Variants in SEMA3C observed in about 807,000 individuals in gnomAD.
SEMA3C encodes the protein semaphorin-3C.
A neutral mutation model predicts 89.4 loss-of-function variants in SEMA3C; 47 were observed. The observed-to-expected ratio is 0.53, with a 90% CI of 0.42 to 0.67. The LOEUF is 0.67. SEMA3C is among the 30% of genes least tolerant of loss of function. The probability of loss-of-function intolerance (pLI) is 0.00; values close to 1 mark genes in which losing one functional copy is unlikely to be tolerated. For missense variants in SEMA3C, 839 were observed against 929.1 expected (o/e 0.90, Z 1.26); for synonymous variants, 310 against 320.2 (o/e 0.97, Z 0.34).
At chr7:80,902,403 A>G (rs924390115) in intron 2 of SEMA3C, among the ~76,000 whole-genome samples, 1 of 152,220 alleles carries the variant, frequency 6.6e-6, no homozygotes, top group Non-Finnish European at 1.5e-5. Flanking sequence ...TCAGTTACAC[A>G]GTTTTTTCCC....
intron 14 of SEMA3C, among the ~76,000 whole-genome samples, chr7:80,759,415 G>C (rs922803660): frequency 2.0e-5 from 3 of 152,096 alleles, no homozygotes; most frequent in African/African-American, 7.2e-5. Context: ...GCCAGGCTCT[G>C]AAACTCTGGA....
At chr7:80,746,593 G>A (rs1257487722) in intron 17 of SEMA3C, among the ~76,000 whole-genome samples, 11 of 151,602 alleles carry the variant, frequency 7.3e-5, no homozygotes, top group Admixed American at 5.3e-4. Flanking sequence ...TTGATAAGAG[G>A]AAAACAAGAA....
intron 4 of SEMA3C, among the ~76,000 whole-genome samples, chr7:80,822,506 G>A (rs535051883): frequency 6.6e-6 from 1 of 152,120 alleles, no homozygotes; most frequent in Non-Finnish European, 1.5e-5. Flanking sequence ...GGATAACTGT[G>A]TGATGAAATC....
At chr7:80,905,268 G>A (rs1791981657) in intron 2 of SEMA3C, among the ~76,000 whole-genome samples, 1 of 17,788 alleles carries the variant, frequency 5.6e-5, no homozygotes, top group African/African-American at 2.0e-4. Context: ...GAGAGAGGGA[G>A]AGAGAGGGGG....
intron 2 of SEMA3C, among the ~76,000 whole-genome samples, chr7:80,910,320 A>G (rs1005526354): frequency 2.0e-5 from 3 of 152,208 alleles, no homozygotes; most frequent in African/African-American, 4.8e-5. Context: ...GCTCATTCTC[A>G]TTGGATAAGG....
At chr7:80,884,457 T>TA (rs1791425318) in intron 2 of SEMA3C, among the ~76,000 whole-genome samples, 1 of 152,222 alleles carries the variant, frequency 6.6e-6, no homozygotes, top group East Asian at 1.9e-4. Context: ...CCGATTTTTT[T>TA]AAAAGACTCC....
At chr7:80,796,144 A>G (rs948390423) in intron 11 of SEMA3C, among the ~76,000 whole-genome samples, 1 of 152,184 alleles carries the variant, frequency 6.6e-6, no homozygotes, top group African/African-American at 2.4e-5. Context: ...TCACTGATGA[A>G]AGCACACGTA....
chr7:80,889,230 T>C (rs1476799503), intron 2 of SEMA3C, among the ~76,000 whole-genome samples: 5 of 152,194 alleles, frequency 3.3e-5, no homozygotes, highest in Non-Finnish European at 7.3e-5. Flanking sequence ...AATAACCTTA[T>C]TTGAGAAAGG....
Position 80,745,211 on chromosome 7 carries a change from C to T in SEMA3C, c.1939G>A (p.Glu647Lys). ...GCTATGGTCTGCTTGAAACTATTTT[C>T]TGTAGCAATGCAGTGATAAAGTCCT... ...DQGLYHCIAT[E>K]NSFKQTIAKI... The change falls in exon 18 of 18, where the codon GAA (glutamate) becomes AAA (lysine). Residue 647 changes from glutamate (E) to lysine (K), a missense_variant. Coordinates refer to ENST00000265361, the MANE Select transcript of SEMA3C (RefSeq NM_006379.5). The T allele has an allele frequency of 6.2e-7, 1 of 1,614,016 alleles. No homozygotes were observed. The highest frequency in any genetic ancestry group is 1.3e-5 in the African/African-American group (1 of 75,034).
At chr7:80,754,840 C>T (rs770627215) in intron 15 of SEMA3C, among the ~76,000 whole-genome samples, 11 of 151,928 alleles carry the variant, frequency 7.2e-5, no homozygotes, top group South Asian at 2.1e-4. Flanking sequence ...TGCAATGGCG[C>T]GATCTCAGCT....
chr7:80,781,108 T>A (rs777920196), intron 12 of SEMA3C, among the ~76,000 whole-genome samples: 96 of 152,218 alleles, frequency 6.3e-4, no homozygotes, highest in Non-Finnish European at 1.1e-3. Context: ...CTCTGACACT[T>A]CTTCCACTAT....
At chr7:80,748,065 A>C (rs1787839779) in intron 17 of SEMA3C, among the ~76,000 whole-genome samples, 1 of 152,132 alleles carries the variant, frequency 6.6e-6, no homozygotes. Context: ...CCCACAACAG[A>C]AGAATACACA....
At chr7:80,809,842 A>C (rs911890652) in intron 6 of SEMA3C, among the ~76,000 whole-genome samples, 1 of 152,158 alleles carries the variant, frequency 6.6e-6, no homozygotes, top group Non-Finnish European at 1.5e-5. Flanking sequence ...ACACTAAGGG[A>C]AATAAGCCAG....
chr7:80,857,762 A>C (rs927452723), intron 2 of SEMA3C, among the ~76,000 whole-genome samples: 1 of 152,180 alleles, frequency 6.6e-6, no homozygotes, highest in African/African-American at 2.4e-5. Context: ...ACAAGTTAGA[A>C]TTGGTATGAA....
chr7:80,754,125 C>A (rs1270014479), intron 15 of SEMA3C, among the ~76,000 whole-genome samples: 1 of 152,074 alleles, frequency 6.6e-6, no homozygotes, highest in Non-Finnish European at 1.5e-5. Context: ...TTAGTAGAGA[C>A]GGGGTTTCAC....
At chr7:80,769,283 A>C (rs1788373660) in intron 12 of SEMA3C, among the ~76,000 whole-genome samples, 1 of 152,190 alleles carries the variant, frequency 6.6e-6, no homozygotes, top group Non-Finnish European at 1.5e-5. Flanking sequence ...TGCCCTATGA[A>C]AAGAGACTGA....
intron 2 of SEMA3C, among the ~76,000 whole-genome samples, chr7:80,895,138 T>C (rs1791703818): frequency 6.6e-6 from 1 of 152,160 alleles, no homozygotes; most frequent in Admixed American, 6.6e-5. Flanking sequence ...TAAATCCACC[T>C]TCTCTTTGAA....
At chr7:80,909,717 T>A (rs1184243275) in intron 2 of SEMA3C, among the ~76,000 whole-genome samples, 1 of 152,040 alleles carries the variant, frequency 6.6e-6, no homozygotes, top group Non-Finnish European at 1.5e-5. Context: ...ACATAGCACA[T>A]CAAACGAGCT....
chr7:80,874,938 G>C (rs1248407212), intron 2 of SEMA3C, among the ~76,000 whole-genome samples: 1 of 151,976 alleles, frequency 6.6e-6, no homozygotes, highest in African/African-American at 2.4e-5. Context: ...AAAATTAGCT[G>C]CCAGGTGTGG....
Sources: gnomAD v4.1 joint callset for allele counts (sites outside exome capture counted in the v4.1 genomes callset) on GRCh38, gnomAD v4.1.1 for gene constraint, MANE v1.5 for transcripts, NCBI Gene and HGNC (gene_info 2026-07-23, HGNC 2026-07-21) for gene names.